Variants in NRDC observed in about 807,000 individuals in gnomAD.
NRDC encodes the protein nardilysin.
NRDC carries 54 observed loss-of-function variants against 147.1 expected under a neutral mutation model. The observed-to-expected ratio is 0.37, with a 90% confidence interval of 0.29 to 0.46. The LOEUF (loss-of-function observed/expected upper bound fraction) is 0.46. Among genes scored for constraint, NRDC ranks in the 20% least tolerant of loss-of-function variants. NRDC has a pLI of 1.00. For synonymous variants in NRDC, 440 were observed against 482.1 expected (o/e 0.91, Z 1.14); for missense variants, 1,082 against 1,370.6 (o/e 0.79, Z 3.33).
At chr1:51,820,980 C>T (rs544107634) in intron 8 of NRDC, among the ~76,000 whole-genome samples, 7 of 152,008 alleles carry the variant, frequency 4.6e-5, no homozygotes, top group Non-Finnish European at 1.0e-4. Context: ...TGAACTGAAA[C>T]TCGACATACA....
chr1:51,792,511 G>T, intron 24 of NRDC, 87 bp from the exon 25 acceptor site: 1 of 1,176,074 alleles, frequency 8.5e-7, no homozygotes, highest in South Asian at 1.2e-5. Context: ...CAACCACTTA[G>T]GTATCACCAC....
chr1:51,829,409 T>C (rs903748307), intron 4 of NRDC, among the ~76,000 whole-genome samples: 1 of 152,254 alleles, frequency 6.6e-6, no homozygotes, highest in Admixed American at 6.5e-5. Flanking sequence ...TATTAGTTGG[T>C]AGTTATTTTC....
intron 1 of NRDC, among the ~76,000 whole-genome samples, chr1:51,847,546 C>T (rs1381948079): frequency 6.6e-6 from 1 of 152,182 alleles, no homozygotes; most frequent in African/African-American, 2.4e-5. Context: ...TAAGGCCCGG[C>T]GAGAAATCGA....
At chr1:51,805,642 T>C (rs1387232882) in intron 18 of NRDC, 81 bp from the exon 19 acceptor site, 11 of 824,276 alleles carry the variant, frequency 1.3e-5, no homozygotes, top group Middle Eastern at 3.5e-4. Flanking sequence ...CTAATATATA[T>C]ATTTTTTAAA....
chr1:51,871,106 C>A (rs536728959), intron 1 of NRDC, among the ~76,000 whole-genome samples: 1 of 152,220 alleles, frequency 6.6e-6, no homozygotes, highest in South Asian at 2.1e-4. Flanking sequence ...CACCTGAGGT[C>A]AGGAGTTCAA....
intron 1 of NRDC, among the ~76,000 whole-genome samples, chr1:51,876,036 G>C (rs964974498): frequency 1.3e-5 from 2 of 152,082 alleles, no homozygotes; most frequent in Non-Finnish European, 2.9e-5. Flanking sequence ...GGACTTAACA[G>C]GTATTTATCA....
At chr1:51,790,110 A>T (rs570435921) in intron 29 of NRDC, among the ~76,000 whole-genome samples, 1 of 152,334 alleles carries the variant, frequency 6.6e-6, no homozygotes, top group Admixed American at 6.5e-5. Context: ...TGTATTAACC[A>T]AAGTCACACT....
At chr1:51,836,556 C>G in intron 2 of NRDC, 1 of 828,652 alleles carries the variant, frequency 1.2e-6, no homozygotes, top group Non-Finnish European at 1.9e-6. Context: ...CCCTGAATTA[C>G]TAGATTTTGG....
chr1:51,817,900 T>C (rs548823071), intron 10 of NRDC, among the ~76,000 whole-genome samples, 166 bp downstream of exon 10: 20 of 152,308 alleles, frequency 1.3e-4, no homozygotes, highest in Non-Finnish European at 2.8e-4. Flanking sequence ...ATCCAAAAAA[T>C]AGTAAAATAC....
intron 20 of NRDC, among the ~76,000 whole-genome samples, chr1:51,802,013 T>G (rs1048421152): frequency 6.6e-6 from 1 of 152,170 alleles, no homozygotes; most frequent in African/African-American, 2.4e-5. Context: ...GATCTCGATC[T>G]CCTGACCTCG....
At chr1:51,808,140 A>G (rs1304565659) in intron 17 of NRDC, among the ~76,000 whole-genome samples, 1 of 151,938 alleles carries the variant, frequency 6.6e-6, no homozygotes, top group African/African-American at 2.4e-5. Flanking sequence ...TCCCTAATGA[A>G]AGGGAGATTC....
intron 4 of NRDC, 60 bp downstream of exon 4, chr1:51,833,957 A>G: frequency 1.4e-6 from 2 of 1,438,512 alleles, no homozygotes; most frequent in Non-Finnish European, 1.9e-6. Context: ...AGAACACTCT[A>G]TTTACATTTG....
chr1:51,861,588 C>T (rs1349481206), intron 1 of NRDC, among the ~76,000 whole-genome samples: 4 of 152,100 alleles, frequency 2.6e-5, no homozygotes, highest in African/African-American at 7.2e-5. Flanking sequence ...CCAGGCAATC[C>T]GCCCCCCTTG....
At chr1:51,844,508 C>G (rs1454216242) in intron 1 of NRDC, among the ~76,000 whole-genome samples, 2 of 151,554 alleles carry the variant, frequency 1.3e-5, no homozygotes, top group African/African-American at 4.9e-5. Context: ...CGAATAGGGC[C>G]GAAGAGGACG....
rs183852355 is a variant in NRDC at position 51,803,354 on chromosome 1, A to G, written c.2313+460T>C. Among the ~76,000 whole-genome samples the G allele has an allele frequency of 1.8e-3, 270 of 152,176 alleles. 7 individuals are homozygous for G. In the East Asian group the frequency reaches 0.037, roughly 21 times the overall value. On this transcript the variant is annotated intron_variant, in intron 20 of 30. Coordinates refer to ENST00000352171, the MANE Select transcript of NRDC (RefSeq NM_001101662.2). ...GCTGGGTGTGGTGGTGCGTGCCTGT[A>G]GTCCCAGCTACTCAGCAGGCTGAGG... is the stretch of plus-strand genomic sequence containing the variant.
chr1:51,871,144 C>T (rs2124130326), intron 1 of NRDC, among the ~76,000 whole-genome samples: 1 of 152,180 alleles, frequency 6.6e-6, no homozygotes, highest in East Asian at 1.9e-4. Flanking sequence ...TGATGAAATC[C>T]CCTCTCTACT....
chr1:51,837,514 A>G (rs1309086436), intron 2 of NRDC: 1 of 1,589,626 alleles, frequency 6.3e-7, no homozygotes, highest in Non-Finnish European at 8.6e-7. Context: ...TACCCCATAA[A>G]GATTTCTTGT....
At chr1:51,851,095 C>T (rs926383700) in intron 1 of NRDC, among the ~76,000 whole-genome samples, 13 of 152,136 alleles carry the variant, frequency 8.5e-5, no homozygotes, top group African/African-American at 3.1e-4. Flanking sequence ...GGGACAGATC[C>T]GTGTATTTGG....
intron 2 of NRDC, chr1:51,836,444 G>A (rs1379434677): frequency 4.3e-6 from 7 of 1,613,106 alleles, no homozygotes; most frequent in South Asian, 3.3e-5. Flanking sequence ...CAGACCTAAG[G>A]AAAAAAAGCA....
Sources: allele counts gnomAD v4.1 joint callset (sites outside exome capture counted in the v4.1 genomes callset), GRCh38; gene constraint gnomAD v4.1.1; transcripts MANE v1.5; gene names NCBI Gene and HGNC (gene_info 2026-07-23, HGNC 2026-07-21).